Variants in MSI2 observed in about 807,000 individuals in gnomAD.
The protein encoded by MSI2 is RNA-binding protein Musashi homolog 2.
MSI2 carries 17 observed loss-of-function variants against 45.6 expected under a neutral mutation model. The observed-to-expected ratio is 0.37, with a 90% CI of 0.26 to 0.56. The LOEUF is 0.56. Ranked by LOEUF, MSI2 falls within the 20% of genes least tolerant of loss-of-function variation. The probability of loss-of-function intolerance (pLI) is 0.77; values close to 1 mark genes in which losing one functional copy is unlikely to be tolerated. For synonymous variants in MSI2, 156 were observed against 158.2 expected (o/e 0.99, Z 0.11); for missense variants, 293 against 444.2 (o/e 0.66, Z 3.06).
chr17:57,479,538 A>T (rs1360849588), intron 6 of MSI2, among the ~76,000 whole-genome samples: 1 of 152,212 alleles, frequency 6.6e-6, no homozygotes, highest in African/African-American at 2.4e-5. Context: ...AATGATAATT[A>T]TATTTAATTA....
At chr17:57,587,447 T>A (rs540805633) in intron 7 of MSI2, among the ~76,000 whole-genome samples, 3 of 152,290 alleles carry the variant, frequency 2.0e-5, no homozygotes, top group Admixed American at 1.3e-4. Flanking sequence ...AATATTAATT[T>A]AGGGAATGCA....
intron 10 of MSI2, among the ~76,000 whole-genome samples, chr17:57,646,253 C>T (rs1910648670): frequency 6.6e-6 from 1 of 152,164 alleles, no homozygotes; most frequent in Admixed American, 6.5e-5. Context: ...AAGGAAGAAG[C>T]TGGTAAGTGC....
intron 7 of MSI2, among the ~76,000 whole-genome samples, chr17:57,537,900 T>C (rs993719776): frequency 1.3e-5 from 2 of 152,180 alleles, no homozygotes; most frequent in African/African-American, 2.4e-5. Context: ...AATCTTAAAC[T>C]TCTTTCCTTT....
At chr17:57,572,027 G>A (rs759097549) in intron 7 of MSI2, among the ~76,000 whole-genome samples, 1 of 152,170 alleles carries the variant, frequency 6.6e-6, no homozygotes, top group Non-Finnish European at 1.5e-5. Context: ...GCTTCAGTGG[G>A]TGTGGTGGGG....
chr17:57,502,632 T>TAGAG (rs1567862760), intron 6 of MSI2, among the ~76,000 whole-genome samples: 1 of 127,612 alleles, frequency 7.8e-6, no homozygotes, highest in Non-Finnish European at 1.7e-5. Context: ...TATATATATA[T>TAGAG]ATATAGTCAT....
At chr17:57,356,030 C>A (rs796471723) in intron 5 of MSI2, among the ~76,000 whole-genome samples, 4 of 152,072 alleles carry the variant, frequency 2.6e-5, no homozygotes, top group Non-Finnish European at 4.4e-5. Context: ...CCCACCCCCA[C>A]GCCCAGCTAA....
chr17:57,511,989 C>T (rs1317509959), intron 6 of MSI2, among the ~76,000 whole-genome samples: 1 of 152,184 alleles, frequency 6.6e-6, no homozygotes, highest in Admixed American at 6.5e-5. Context: ...TGCTTAGAAA[C>T]CACCTCCTGC....
chr17:57,333,452 T>A (rs1914432762), intron 5 of MSI2, among the ~76,000 whole-genome samples: 1 of 151,880 alleles, frequency 6.6e-6, no homozygotes. Context: ...TTTTTTTTTT[T>A]TTTGAGACAG....
intron 6 of MSI2, among the ~76,000 whole-genome samples, chr17:57,511,768 C>G (rs2086361422): frequency 6.6e-6 from 1 of 152,178 alleles, no homozygotes; most frequent in African/African-American, 2.4e-5. Context: ...TGAAGGTGGT[C>G]TCTCTGACAT....
rs552531051 is a variant in MSI2, at chr17:57,364,099, G to A, written c.313-37280G>A. ...TTGGTTGCTTTATGTGATAATTATT[G>A]TGTTCTATTTTAAGCCACTCCTCTG... On this transcript the variant is annotated intron_variant, in intron 5 of 13. Transcript: ENST00000284073. 1.2e-3 allele frequency among the ~76,000 whole-genome samples: 178 copies of A among 152,236 alleles called. 1 individual carries two copies. Among genetic ancestry groups the A allele is most frequent in the African/African-American group, 4.2e-3 (175 of 41,548 alleles).
At chr17:57,383,763 G>A (rs972344495) in intron 5 of MSI2, among the ~76,000 whole-genome samples, 1 of 152,182 alleles carries the variant, frequency 6.6e-6, no homozygotes, top group Admixed American at 6.5e-5. Flanking sequence ...CAAGCATATG[G>A]TGGTGTGCCT....
At chr17:57,506,943 G>A (rs983333439) in intron 6 of MSI2, among the ~76,000 whole-genome samples, 1 of 152,140 alleles carries the variant, frequency 6.6e-6, no homozygotes, top group Non-Finnish European at 1.5e-5. Context: ...TCAAGCCAGT[G>A]CAGGCCCAGC....
chr17:57,679,623 TG>T lies in MSI2; in HGVS notation c.*108del, dbSNP rs1430604342. On this transcript the variant is annotated 3_prime_UTR_variant, in exon 14 of 14. Coordinates refer to ENST00000284073, the MANE Select transcript of MSI2 (RefSeq NM_138962.4). Reference sequence around the variant, plus strand: ...TTTGTTTAGGTGATGTCCTCAGACCTGGACCCCCACCAGCCTCACTCCCCAT... The same window carrying T: ...TTTGTTTAGGTGATGTCCTCAGACCTGACCCCCACCAGCCTCACTCCCCAT... 3 of 1,063,620 alleles carry T rather than the reference TG, an allele frequency of 2.8e-6. No homozygotes were observed. The East Asian group carries it at 1.5e-4, about 54-fold the overall frequency. The allele number at this position is 1,063,620 out of a possible 1,614,324, so 65.9% of individuals were successfully genotyped here. A position where few individuals can be genotyped will look rare whatever the true frequency, so the allele number is the denominator to read the frequency against.
At chr17:57,471,447 T>A (rs1275654165) in intron 6 of MSI2, among the ~76,000 whole-genome samples, 1 of 152,000 alleles carries the variant, frequency 6.6e-6, no homozygotes, top group East Asian at 1.9e-4. Context: ...GCTGCCACCA[T>A]GCCCGGCTAA....
At chr17:57,318,033 C>T (rs945458604) in intron 5 of MSI2, among the ~76,000 whole-genome samples, 3 of 152,202 alleles carry the variant, frequency 2.0e-5, no homozygotes, top group Non-Finnish European at 2.9e-5. Flanking sequence ...CTTGTAATCC[C>T]AGCTACTCGG....
chr17:57,504,573 A>G (rs73329372), intron 6 of MSI2, among the ~76,000 whole-genome samples: 3,126 of 152,318 alleles, frequency 0.021, 100 homozygotes, highest in African/African-American at 0.071. Context: ...CAGTGATGCC[A>G]GGAAGGTGGC....
At chr17:57,570,195 T>C (rs1470830940) in intron 7 of MSI2, among the ~76,000 whole-genome samples, 3 of 152,122 alleles carry the variant, frequency 2.0e-5, no homozygotes, top group Non-Finnish European at 4.4e-5. Flanking sequence ...AGAATTAGAA[T>C]CACCTGGGGA....
intron 5 of MSI2, among the ~76,000 whole-genome samples, chr17:57,398,477 G>T (rs187414164): frequency 6.6e-6 from 1 of 152,372 alleles, no homozygotes; most frequent in East Asian, 1.9e-4. Context: ...CTGAAAGCAT[G>T]TAGAGATGCA....
chr17:57,316,641 G>A (rs945917352), intron 5 of MSI2, among the ~76,000 whole-genome samples: 2 of 152,164 alleles, frequency 1.3e-5, no homozygotes, highest in Non-Finnish European at 2.9e-5. Context: ...CTACTTTTGA[G>A]TTTGGAAAAT....
Sources: gnomAD v4.1 joint callset for allele counts (sites outside exome capture counted in the v4.1 genomes callset) on GRCh38, gnomAD v4.1.1 for gene constraint, MANE v1.5 for transcripts, NCBI Gene and HGNC (gene_info 2026-07-23, HGNC 2026-07-21) for gene names.